PPP1R9A: variants seen among roughly 807,000 people sequenced by gnomAD.
PPP1R9A encodes the protein neurabin-1.
PPP1R9A carries 59 observed loss-of-function variants against 141.9 expected under a neutral mutation model. The ratio of observed to expected loss-of-function variants is 0.42; its 90% confidence interval spans 0.34 to 0.52. The LOEUF (loss-of-function observed/expected upper bound fraction) is 0.52. Among genes scored for constraint, PPP1R9A ranks in the 20% least tolerant of loss-of-function variants. The pLI, the probability that PPP1R9A is intolerant of heterozygous loss-of-function variation, is 0.10. For missense variants in PPP1R9A, 1,444 were observed against 1,611.9 expected, an observed-to-expected ratio of 0.90 and a Z score of 1.78; for synonymous variants, 500 against 569.7, an observed-to-expected ratio of 0.88 and a Z score of 1.74.
intron 2 of PPP1R9A, among the ~76,000 whole-genome samples, chr7:95,006,125 C>T (rs969621847): frequency 6.6e-6 from 1 of 151,966 alleles, no homozygotes; most frequent in African/African-American, 2.4e-5. Context: ...AATCTTTCCA[C>T]AAAATCTGAA....
rs150326865 is a variant in PPP1R9A, at chr7:95,201,431, T to A, written c.1891-2234T>A. Among the ~76,000 whole-genome samples, 364 of 152,266 alleles carry A rather than the reference T, an allele frequency of 2.4e-3. 2 individuals carry two copies. The highest frequency in any genetic ancestry group is 7.8e-3 in the African/African-American group (326 of 41,554). ...ATGCCCAGATAAAACCAACTGTTAA[T>A]TTTCAGTGCATAGGAGAGATGAAAG... On this transcript the variant is annotated intron_variant, in intron 6 of 19. Coordinates refer to ENST00000433360, the MANE Select transcript of PPP1R9A (RefSeq NM_001166160.2).
intron 5 of PPP1R9A, among the ~76,000 whole-genome samples, chr7:95,197,734 C>T (rs991678857): frequency 1.6e-4 from 25 of 152,196 alleles, no homozygotes; most frequent in African/African-American, 4.6e-4. Flanking sequence ...CTGCAACCTC[C>T]GCCTCTCGGA....
intron 4 of PPP1R9A, among the ~76,000 whole-genome samples, chr7:95,152,833 A>G (rs1055820731): frequency 8.0e-5 from 11 of 137,216 alleles, no homozygotes; most frequent in Non-Finnish European, 1.4e-4. Flanking sequence ...CTCTACAGCC[A>G]CACCCTTTTT....
chr7:94,921,865 G>A (rs1479313900), intron 2 of PPP1R9A, among the ~76,000 whole-genome samples: 6 of 151,678 alleles, frequency 4.0e-5, no homozygotes, highest in Non-Finnish European at 1.5e-5. Context: ...CTGTAAGTAA[G>A]TCTTTTGAAA....
intron 2 of PPP1R9A, among the ~76,000 whole-genome samples, chr7:95,053,395 A>T (rs541254813): frequency 6.6e-6 from 1 of 152,160 alleles, no homozygotes. Context: ...GTTTTTGTAT[A>T]ATTTTCCCAC....
intron 7 of PPP1R9A, among the ~76,000 whole-genome samples, chr7:95,219,783 A>T (rs1279115603): frequency 6.6e-6 from 1 of 152,116 alleles, no homozygotes; most frequent in Non-Finnish European, 1.5e-5. Flanking sequence ...CATTTTATAG[A>T]AGAGACCACA....
intron 2 of PPP1R9A, among the ~76,000 whole-genome samples, chr7:95,037,885 G>A (rs1405495972): frequency 1.3e-5 from 2 of 150,982 alleles, no homozygotes; most frequent in Non-Finnish European, 2.9e-5. Flanking sequence ...CAGGAGGATT[G>A]TTTGAGCCCA....
chr7:95,154,019 T>C (rs924959516), intron 4 of PPP1R9A, among the ~76,000 whole-genome samples: 1 of 152,138 alleles, frequency 6.6e-6, no homozygotes, highest in Non-Finnish European at 1.5e-5. Context: ...ATTTTGTTTA[T>C]TTTGATCTTA....
chr7:95,127,446 ACTGTTT>A (rs1823757521), intron 4 of PPP1R9A, among the ~76,000 whole-genome samples: 1 of 151,518 alleles, frequency 6.6e-6, no homozygotes, highest in Non-Finnish European at 1.5e-5. Context: ...GTCTATCGTT[ACTGTTT>A]CTGTTGCATG....
At chr7:94,937,231 A>G (rs1230173122) in intron 2 of PPP1R9A, among the ~76,000 whole-genome samples, 3 of 152,108 alleles carry the variant, frequency 2.0e-5, no homozygotes, top group Non-Finnish European at 4.4e-5. Flanking sequence ...CTTGTCCTCC[A>G]AGCTCTCCCT....
intron 2 of PPP1R9A, among the ~76,000 whole-genome samples, chr7:95,058,352 A>G (rs779688849): frequency 1.3e-4 from 20 of 152,206 alleles, no homozygotes; most frequent in Non-Finnish European, 2.4e-4. Flanking sequence ...ACAAAACAAA[A>G]CAAAATTACA....
chr7:95,198,573 A>G, intron 6 of PPP1R9A, 89 bp downstream of exon 6: 1 of 1,385,996 alleles, frequency 7.2e-7, no homozygotes, highest in Non-Finnish European at 9.5e-7. Flanking sequence ...GGTTTTATGC[A>G]GTTTCTTGAG....
chr7:95,086,004 GT>G (rs975478491), intron 2 of PPP1R9A, among the ~76,000 whole-genome samples: 48 of 150,960 alleles, frequency 3.2e-4, no homozygotes, highest in Admixed American at 2.0e-3. Context: ...AATTTAATGT[GT>G]TTTTTTTCTT....
intron 2 of PPP1R9A, among the ~76,000 whole-genome samples, chr7:95,058,552 C>G (rs1811797634): frequency 6.6e-6 from 1 of 152,050 alleles, no homozygotes; most frequent in Admixed American, 6.6e-5. Context: ...AGATTGTGGA[C>G]TAGTTGCTAG....
intron 2 of PPP1R9A, among the ~76,000 whole-genome samples, chr7:94,989,840 CT>C (rs1158925996): frequency 4.6e-5 from 7 of 152,048 alleles, no homozygotes; most frequent in South Asian, 2.1e-4. Context: ...CAGATTGCCC[CT>C]GTTAGCTGAT....
chr7:95,020,415 A>G (rs1368501379), intron 2 of PPP1R9A, among the ~76,000 whole-genome samples: 1 of 152,178 alleles, frequency 6.6e-6, no homozygotes, highest in Non-Finnish European at 1.5e-5. Context: ...TTCAATTTGT[A>G]AGTTCAACTT....
intron 4 of PPP1R9A, 92 bp downstream of exon 4, chr7:95,120,924 A>AT (rs1584797008): frequency 2.1e-6 from 3 of 1,455,238 alleles, no homozygotes; most frequent in Non-Finnish European, 2.8e-6. Flanking sequence ...TTGTTTGTTG[A>AT]TTTTTTAGGA....
At position 94,978,610 on chromosome 7, in the gene PPP1R9A, G is replaced by T. The variant is rs752354673; in HGVS notation, c.1395+67102G>T. Among the ~76,000 whole-genome samples, 12 of 152,086 alleles carry T rather than the reference G, an allele frequency of 7.9e-5. 1 individual carries two copies. The South Asian group carries it at 8.3e-4, about 11-fold the overall frequency. Reference sequence around the variant, plus strand: ...GGGCTGCATTCATTTTCATTCAGTGGTTTCTTCGCTGAGTGCTTTTCCCAA... The same window carrying T: ...GGGCTGCATTCATTTTCATTCAGTGTTTTCTTCGCTGAGTGCTTTTCCCAA... On this transcript the variant is annotated intron_variant, in intron 2 of 19. Coordinates refer to ENST00000433360, the MANE Select transcript of PPP1R9A (RefSeq NM_001166160.2).
intron 2 of PPP1R9A, among the ~76,000 whole-genome samples, chr7:95,008,618 T>C (rs909790839): frequency 6.6e-6 from 1 of 152,180 alleles, no homozygotes; most frequent in Non-Finnish European, 1.5e-5. Flanking sequence ...GTTGTAAGCT[T>C]CACTGTTGTC....
Sources: allele counts gnomAD v4.1 joint callset (sites outside exome capture counted in the v4.1 genomes callset), GRCh38; gene constraint gnomAD v4.1.1; transcripts MANE v1.5; gene names NCBI Gene and HGNC (gene_info 2026-07-23, HGNC 2026-07-21).